Variants in HS3ST4 observed in about 807,000 individuals in gnomAD.
The protein encoded by HS3ST4 is heparan sulfate glucosamine 3-O-sulfotransferase 4.
In HS3ST4, 17 loss-of-function variants were observed where a neutral mutation model predicts 29.2. The observed-to-expected ratio is 0.58, with a 90% confidence interval of 0.40 to 0.87. The LOEUF is 0.87. Ranked by LOEUF, HS3ST4 falls within the 40% of genes least tolerant of loss-of-function variation. The probability of loss-of-function intolerance (pLI) is 0.00; values close to 1 mark genes in which losing one functional copy is unlikely to be tolerated. For synonymous variants in HS3ST4, 314 were observed against 285.7 expected, an observed-to-expected ratio of 1.10 and a Z score of -1.00; for missense variants, 627 against 634.5, an observed-to-expected ratio of 0.99 and a Z score of 0.13.
chr16:25,757,088 G>T (rs762300888), intron 1 of HS3ST4, among the ~76,000 whole-genome samples: 1 of 152,134 alleles, frequency 6.6e-6, no homozygotes. Context: ...GGCATGTAAG[G>T]CTGAGCAGGT....
At chr16:26,097,685 T>C (rs1257492308) in intron 1 of HS3ST4, among the ~76,000 whole-genome samples, 1 of 152,158 alleles carries the variant, frequency 6.6e-6, no homozygotes, top group Non-Finnish European at 1.5e-5. Flanking sequence ...AAGGACTTCA[T>C]GACTAAAACA....
At chr16:25,833,369 G>A (rs1967325119) in intron 1 of HS3ST4, among the ~76,000 whole-genome samples, 1 of 152,074 alleles carries the variant, frequency 6.6e-6, no homozygotes, top group South Asian at 2.1e-4. Flanking sequence ...TGGATTTCAT[G>A]GACTGACAAG....
chr16:25,860,332 A>G (rs1399314885), intron 1 of HS3ST4, among the ~76,000 whole-genome samples: 2 of 152,222 alleles, frequency 1.3e-5, no homozygotes, highest in Non-Finnish European at 1.5e-5. Context: ...CTCTTACCAT[A>G]TGATGCAGCC....
chr16:25,837,063 A>T (rs188116021), intron 1 of HS3ST4, among the ~76,000 whole-genome samples: 9 of 152,268 alleles, frequency 5.9e-5, no homozygotes, highest in Admixed American at 5.9e-4. Context: ...GTCATGGTTG[A>T]TTTTCCAATC....
At chr16:26,088,984 T>C (rs1198190011) in intron 1 of HS3ST4, among the ~76,000 whole-genome samples, 1 of 152,232 alleles carries the variant, frequency 6.6e-6, no homozygotes, top group Non-Finnish European at 1.5e-5. Context: ...TAATTGTCTC[T>C]GTATAAAAGT....
intron 1 of HS3ST4, among the ~76,000 whole-genome samples, chr16:25,968,655 T>C (rs1968867772): frequency 6.6e-6 from 1 of 152,230 alleles, no homozygotes; most frequent in African/African-American, 2.4e-5. Context: ...CCTTACAGGC[T>C]GTGTGACATT....
chr16:25,711,726 A>G (rs1440443357), intron 1 of HS3ST4, among the ~76,000 whole-genome samples: 1 of 152,168 alleles, frequency 6.6e-6, no homozygotes, highest in Non-Finnish European at 1.5e-5. Context: ...CTGACTTTAT[A>G]AGGTGCAAAG....
chr16:25,993,948 TCGTGTGTGTGTGTGTGTGTG>T (rs1969135585), intron 1 of HS3ST4, among the ~76,000 whole-genome samples: 1 of 111,062 alleles, frequency 9.0e-6, no homozygotes, highest in Admixed American at 9.9e-5. Flanking sequence ...TCACATAACC[TCGTGTGTGTGTGTGTGTGTG>T]TGTGTGTGTG....
chr16:26,073,367 CTTT>C (rs1898623107), intron 1 of HS3ST4, among the ~76,000 whole-genome samples: 1 of 151,750 alleles, frequency 6.6e-6, no homozygotes, highest in Middle Eastern at 3.2e-3. Context: ...CTTTTCTTTT[CTTT>C]TCTTTTCTTT....
At chr16:25,859,538 C>T (rs1967616715) in intron 1 of HS3ST4, among the ~76,000 whole-genome samples, 1 of 152,182 alleles carries the variant, frequency 6.6e-6, no homozygotes, top group Non-Finnish European at 1.5e-5. Flanking sequence ...TGTGAAATAA[C>T]AAGACTAAAT....
intron 1 of HS3ST4, among the ~76,000 whole-genome samples, chr16:25,722,036 T>C (rs1473654477): frequency 1.3e-5 from 2 of 152,200 alleles, no homozygotes; most frequent in African/African-American, 4.8e-5. Flanking sequence ...TGAAAGAAGA[T>C]TTCGATCCTT....
At chr16:26,021,889 C>A (rs1021182183) in intron 1 of HS3ST4, among the ~76,000 whole-genome samples, 1 of 152,004 alleles carries the variant, frequency 6.6e-6, no homozygotes, top group Non-Finnish European at 1.5e-5. Context: ...GTATTGATCT[C>A]CTGACCTCGT....
At chr16:25,878,583 G>T (rs901070679) in intron 1 of HS3ST4, among the ~76,000 whole-genome samples, 1 of 152,122 alleles carries the variant, frequency 6.6e-6, no homozygotes, top group Non-Finnish European at 1.5e-5. Context: ...AGCTTGTAGG[G>T]AATGAAAACA....
chr16:26,093,913 T>A (rs1898889795), intron 1 of HS3ST4, among the ~76,000 whole-genome samples: 1 of 152,084 alleles, frequency 6.6e-6, no homozygotes, highest in Non-Finnish European at 1.5e-5. Flanking sequence ...GTAGAGAAGA[T>A]CTTAAATGAC....
intron 1 of HS3ST4, among the ~76,000 whole-genome samples, chr16:25,896,321 T>C (rs1968064502): frequency 6.6e-6 from 1 of 152,134 alleles, no homozygotes; most frequent in African/African-American, 2.4e-5. Flanking sequence ...TCCTCAAATA[T>C]TAACCTAGAG....
intron 1 of HS3ST4, among the ~76,000 whole-genome samples, chr16:25,965,073 A>C (rs1968830168): frequency 6.6e-6 from 1 of 152,164 alleles, no homozygotes; most frequent in Non-Finnish European, 1.5e-5. Context: ...TGTAACAGAT[A>C]AAAAAGGGTG....
At chr16:26,054,049 C>T (rs4787808) in intron 1 of HS3ST4, among the ~76,000 whole-genome samples, 11,201 of 152,126 alleles carry the variant, frequency 0.074, 1,017 homozygotes, top group East Asian at 0.28. Flanking sequence ...GAGTGATACA[C>T]GTCACTTCCT....
intron 1 of HS3ST4, among the ~76,000 whole-genome samples, chr16:25,963,245 A>G (rs12922808): frequency 0.18 from 27,702 of 152,086 alleles, 3,456 homozygotes; most frequent in Non-Finnish European, 0.28. Flanking sequence ...CCCCAATGCA[A>G]GGGTTAGCCA....
intron 1 of HS3ST4, among the ~76,000 whole-genome samples, chr16:25,777,063 T>A (rs555456158): frequency 6.6e-6 from 1 of 152,326 alleles, no homozygotes; most frequent in South Asian, 2.1e-4. Flanking sequence ...TTTTAATCCA[T>A]GTCTCTTCCT....
Sources: gnomAD v4.1 joint callset for allele counts (sites outside exome capture counted in the v4.1 genomes callset) on GRCh38, gnomAD v4.1.1 for gene constraint, MANE v1.5 for transcripts, NCBI Gene and HGNC (gene_info 2026-07-23, HGNC 2026-07-21) for gene names.